Variants in THEMIS observed in about 807,000 individuals in gnomAD.
The protein encoded by THEMIS is thymocyte selection associated, also known as protein THEMIS.
THEMIS carries 37 observed loss-of-function variants against 52.6 expected under a neutral mutation model. The ratio of observed to expected loss-of-function variants is 0.70; its 90% confidence interval spans 0.54 to 0.93. The LOEUF (loss-of-function observed/expected upper bound fraction) is 0.93, where lower values mean the gene tolerates loss of function less well. Among genes scored for constraint, THEMIS ranks in the 40% least tolerant of loss-of-function variants. The pLI is 0.00. For missense variants in THEMIS, 808 were observed against 763.1 expected, an observed-to-expected ratio of 1.06 and a Z score of -0.69; for synonymous variants, 292 against 272.7, an observed-to-expected ratio of 1.07 and a Z score of -0.70.
At chr6:127,876,626 G>A (rs976504892) in intron 1 of THEMIS, among the ~76,000 whole-genome samples, 1 of 152,158 alleles carries the variant, frequency 6.6e-6, no homozygotes, top group African/African-American at 2.4e-5. Context: ...AGTTTGGTTA[G>A]GTTTGCAAAT....
At chr6:127,717,822 CTTT>C (rs35369332) in intron 5 of THEMIS, among the ~76,000 whole-genome samples, 1 of 146,468 alleles carries the variant, frequency 6.8e-6, no homozygotes, top group Non-Finnish European at 1.5e-5. Context: ...CTTAATTAGG[CTTT>C]TTTTTTTTTT....
intron 4 of THEMIS, among the ~76,000 whole-genome samples, chr6:127,761,451 G>T (rs1776018144): frequency 6.6e-6 from 1 of 152,186 alleles, no homozygotes; most frequent in Non-Finnish European, 1.5e-5. Flanking sequence ...GACTCCACAT[G>T]TGAAGATAGA....
chr6:127,776,198 T>A (rs186347612), intron 4 of THEMIS, among the ~76,000 whole-genome samples: 1 of 152,338 alleles, frequency 6.6e-6, no homozygotes, highest in East Asian at 1.9e-4. Context: ...TGCTCCAGGA[T>A]ATATTCTGTG....
intron 4 of THEMIS, among the ~76,000 whole-genome samples, chr6:127,790,603 T>C (rs960692392): frequency 6.6e-6 from 1 of 152,228 alleles, no homozygotes; most frequent in Non-Finnish European, 1.5e-5. Context: ...AGGTGTCGCT[T>C]TTCTGTCCAG....
At chr6:127,875,879 C>A (rs1248906918) in intron 1 of THEMIS, among the ~76,000 whole-genome samples, 1 of 152,152 alleles carries the variant, frequency 6.6e-6, no homozygotes, top group Non-Finnish European at 1.5e-5. Flanking sequence ...GAAGTATAAT[C>A]CTCTACATAG....
intron 4 of THEMIS, among the ~76,000 whole-genome samples, chr6:127,787,589 A>G (rs1359795770): frequency 6.6e-6 from 1 of 152,182 alleles, no homozygotes; most frequent in African/African-American, 2.4e-5. Flanking sequence ...TACTGTAAAC[A>G]TATTATTACT....
intron 4 of THEMIS, among the ~76,000 whole-genome samples, chr6:127,741,640 T>C (rs552269062): frequency 3.3e-5 from 5 of 152,224 alleles, no homozygotes; most frequent in Non-Finnish European, 5.9e-5. Context: ...CCTGTGGAAG[T>C]CATTTATGGT....
intron 1 of THEMIS, among the ~76,000 whole-genome samples, chr6:127,907,137 TC>T (rs1482446740): frequency 6.6e-6 from 1 of 151,832 alleles, no homozygotes; most frequent in African/African-American, 2.4e-5. Flanking sequence ...GGTATCTAAA[TC>T]ATTCATTCTC....
intron 4 of THEMIS, among the ~76,000 whole-genome samples, chr6:127,790,784 A>G (rs906853424): frequency 6.6e-6 from 1 of 152,214 alleles, no homozygotes; most frequent in Non-Finnish European, 1.5e-5. Flanking sequence ...ATGAGCAAGC[A>G]TGGGGTCCAG....
intron 1 of THEMIS, among the ~76,000 whole-genome samples, chr6:127,883,505 T>C (rs1268092243): frequency 6.6e-6 from 1 of 151,898 alleles, no homozygotes; most frequent in Non-Finnish European, 1.5e-5. Flanking sequence ...TAATTACATA[T>C]GTTGCATTAT....
chr6:127,890,425 G>A (rs1780769463), intron 1 of THEMIS, among the ~76,000 whole-genome samples: 1 of 152,082 alleles, frequency 6.6e-6, no homozygotes, highest in African/African-American at 2.4e-5. Context: ...GTTACCAGAG[G>A]CTAGAAAGGG....
At chr6:127,795,127 A>T (rs1199646990) in intron 4 of THEMIS, among the ~76,000 whole-genome samples, 1 of 152,194 alleles carries the variant, frequency 6.6e-6, no homozygotes, top group East Asian at 1.9e-4. Context: ...ATGACCTGAT[A>T]TCTCCCACGA....
intron 3 of THEMIS, among the ~76,000 whole-genome samples, chr6:127,829,274 T>C (rs1485807924): frequency 6.6e-6 from 1 of 152,228 alleles, no homozygotes; most frequent in East Asian, 1.9e-4. Flanking sequence ...CCATACAATT[T>C]ACAACATACT....
At chr6:127,786,226 G>T (rs1776944008) in intron 4 of THEMIS, among the ~76,000 whole-genome samples, 1 of 152,074 alleles carries the variant, frequency 6.6e-6, no homozygotes, top group Non-Finnish European at 1.5e-5. Flanking sequence ...CCCTGTTCTA[G>T]CCTACATATT....
chr6:127,776,752 T>A (rs978776069), intron 4 of THEMIS, among the ~76,000 whole-genome samples: 7 of 152,234 alleles, frequency 4.6e-5, no homozygotes, highest in African/African-American at 1.7e-4. Context: ...TTGGTTATAC[T>A]TCTTGGTGAA....
intron 4 of THEMIS, among the ~76,000 whole-genome samples, chr6:127,757,476 T>C (rs889791739): frequency 6.6e-6 from 1 of 151,974 alleles, no homozygotes; most frequent in Non-Finnish European, 1.5e-5. Flanking sequence ...ATGTCACACA[T>C]GTCACTTTTT....
At chr6:127,795,704 T>C (rs1021038399) in intron 4 of THEMIS, among the ~76,000 whole-genome samples, 1 of 152,092 alleles carries the variant, frequency 6.6e-6, no homozygotes, top group Non-Finnish European at 1.5e-5. Flanking sequence ...ATCTAAGTAA[T>C]TACTGATAAG....
chr6:127,887,908 C>G (rs1441428265), intron 1 of THEMIS, among the ~76,000 whole-genome samples: 3 of 152,082 alleles, frequency 2.0e-5, no homozygotes, highest in East Asian at 1.9e-4. Context: ...ACATGCTATA[C>G]CTAACTTATA....
intron 1 of THEMIS, among the ~76,000 whole-genome samples, chr6:127,858,571 A>G (rs1255478866): frequency 1.3e-5 from 2 of 152,218 alleles, no homozygotes; most frequent in East Asian, 3.9e-4. Flanking sequence ...CTTCTTGATA[A>G]GTTAAAATGG....
Sources: gnomAD v4.1 joint callset for allele counts (sites outside exome capture counted in the v4.1 genomes callset) on GRCh38, gnomAD v4.1.1 for gene constraint, MANE v1.5 for transcripts, NCBI Gene and HGNC (gene_info 2026-07-23, HGNC 2026-07-21) for gene names.